SIK3: variants seen among roughly 807,000 people sequenced by gnomAD.
SIK3 encodes SIK family kinase 3.
SIK3 carries 28 observed loss-of-function variants against 144.2 expected under a neutral mutation model. The observed-to-expected ratio is 0.19, with a 90% CI of 0.14 to 0.27. SIK3 has a LOEUF of 0.27. SIK3 is among the 10% of genes least tolerant of loss of function. SIK3 has a pLI of 1.00. For missense variants in SIK3, 1,319 were observed against 1,776.0 expected (o/e 0.74, Z 4.62); for synonymous variants, 686 against 676.3 (o/e 1.01, Z -0.22).
chr11:116,944,868 T>A (rs76564967), intron 3 of SIK3, among the ~76,000 whole-genome samples: 7,306 of 152,310 alleles, frequency 0.048, 581 homozygotes, highest in African/African-American at 0.17. Flanking sequence ...CTCTCACAGC[T>A]GGCCTAAAAC....
At position 117,090,669 on chromosome 11, in the gene SIK3, G is replaced by A. The variant is rs562475523; in HGVS notation, c.273+7474C>T. 2.0e-4 allele frequency among the ~76,000 whole-genome samples: 30 copies of A among 152,164 alleles called. 1 individual carries two copies. Among genetic ancestry groups the A allele is most frequent in the African/African-American group, 3.9e-4 (16 of 41,436 alleles). On this transcript the variant is annotated intron_variant, in intron 1 of 24. Transcript: ENST00000445177. The stretch of plus-strand genomic sequence containing the variant: ...ACTACGTAAGGCAGACTACTTTTAC[G>A]GTCATTGCATGCTGTGTTTACTTCT...
At chr11:117,057,195 CAGA>C (rs1953573575) in intron 1 of SIK3, among the ~76,000 whole-genome samples, 2 of 152,046 alleles carry the variant, frequency 1.3e-5, no homozygotes, top group Admixed American at 6.6e-5. Context: ...TGTACATGTA[CAGA>C]AGAAGATTTA....
intron 1 of SIK3, among the ~76,000 whole-genome samples, chr11:117,010,000 G>A (rs898364568): frequency 6.6e-6 from 1 of 152,082 alleles, no homozygotes; most frequent in Non-Finnish European, 1.5e-5. Context: ...TAACACTAAC[G>A]ACAACATCTA....
intron 1 of SIK3, among the ~76,000 whole-genome samples, chr11:117,056,534 TAG>T (rs1463196077): frequency 7.3e-6 from 1 of 137,118 alleles, no homozygotes; most frequent in Non-Finnish European, 1.6e-5. Flanking sequence ...TAAAAATATA[TAG>T]ATAGATATAG....
chr11:117,005,268 G>A (rs925735730), intron 1 of SIK3, among the ~76,000 whole-genome samples: 5 of 140,612 alleles, frequency 3.6e-5, no homozygotes, highest in African/African-American at 8.3e-5. Flanking sequence ...CCCAGGAGGT[G>A]AAGGCTGCAG....
chr11:117,035,903 G>T, intron 1 of SIK3: 2 of 1,596,318 alleles, frequency 1.3e-6, no homozygotes, highest in Non-Finnish European at 1.7e-6. Context: ...TACCGTTTGT[G>T]CATGGCTAAA....
At chr11:116,998,080 T>C (rs1249813572) in intron 1 of SIK3, among the ~76,000 whole-genome samples, 1 of 151,812 alleles carries the variant, frequency 6.6e-6, no homozygotes. Flanking sequence ...TCTCAAACTG[T>C]TGGGCTCAAG....
intron 1 of SIK3, among the ~76,000 whole-genome samples, chr11:117,017,664 A>G (rs1180909903): frequency 6.6e-6 from 1 of 152,148 alleles, no homozygotes; most frequent in Non-Finnish European, 1.5e-5. Flanking sequence ...GTAGAAAAAA[A>G]ACTGGTTATA....
At chr11:116,982,960 AAAAAAAAAAT>A (rs1485377914) in intron 1 of SIK3, among the ~76,000 whole-genome samples, 3 of 151,032 alleles carry the variant, frequency 2.0e-5, no homozygotes, top group Admixed American at 6.6e-5. Flanking sequence ...AAAAAAAAAA[AAAAAAAAAAT>A]TTCTGACCCG....
rs149070287 is a variant in SIK3, at chr11:116,863,253, T to C, written c.2103+415A>G. ...GTAAAGAAAGTGCATTAGAAAGCTA[T>C]ACTTTCTTTTTCTTTTAAGACAGAG... On this transcript the variant is annotated intron_variant, in intron 16 of 24. Coordinates refer to ENST00000445177, the MANE Select transcript of SIK3 (RefSeq NM_001366686.3). 6.1e-3 allele frequency among the ~76,000 whole-genome samples: 930 copies of C among 152,220 alleles called. 1 individual carries two copies. The highest frequency in any genetic ancestry group is 9.7e-3 in the Non-Finnish European group (657 of 68,008).
At chr11:117,091,200 CTTTTTTTTTTT>C (rs386375011) in intron 1 of SIK3, among the ~76,000 whole-genome samples, 3 of 93,008 alleles carry the variant, frequency 3.2e-5, no homozygotes, top group Non-Finnish European at 2.0e-5. Flanking sequence ...TTTTTTTTTT[CTTTTTTTTTTT>C]TTTTTTTTTT....
In SIK3 at chr11:117,078,567, A is replaced by AT. The variant is rs5795061; in HGVS notation, c.273+19575dup. 2.4e-3 allele frequency among the ~76,000 whole-genome samples: 362 copies of AT among 151,750 alleles called. 1 individual carries two copies. The highest frequency in any genetic ancestry group is 8.4e-3 in the African/African-American group (346 of 41,394). Reference sequence around the variant, plus strand: ...GTAGCTGGGATTACAGGCCCAGCTAATTTTTTTGTATTTTTAGTAGAGATG... The same window carrying AT: ...GTAGCTGGGATTACAGGCCCAGCTAATTTTTTTTGTATTTTTAGTAGAGATG... On this transcript the variant is annotated intron_variant, in intron 1 of 24. Coordinates refer to ENST00000445177, the MANE Select transcript of SIK3 (RefSeq NM_001366686.3).
intron 1 of SIK3, among the ~76,000 whole-genome samples, chr11:116,986,406 AT>A (rs1416559238): frequency 6.6e-6 from 1 of 152,150 alleles, no homozygotes; most frequent in Non-Finnish European, 1.5e-5. Context: ...ATTACCACTA[AT>A]ACTGTTAGTA....
chr11:117,033,441 C>G (rs1234867557), intron 1 of SIK3, among the ~76,000 whole-genome samples: 1 of 152,096 alleles, frequency 6.6e-6, no homozygotes, highest in Non-Finnish European at 1.5e-5. Context: ...GTGGCTCACA[C>G]CTGTAATTCC....
intron 1 of SIK3, among the ~76,000 whole-genome samples, chr11:117,096,408 T>C (rs1024597646): frequency 4.0e-5 from 6 of 151,866 alleles, no homozygotes; most frequent in African/African-American, 7.3e-5. Context: ...AGGAAAGAAA[T>C]AGCAAAACAA....
At chr11:116,928,941 A>G (rs1054323994) in intron 3 of SIK3, among the ~76,000 whole-genome samples, 18 of 152,198 alleles carry the variant, frequency 1.2e-4, no homozygotes, top group Non-Finnish European at 2.1e-4. Context: ...AAAGGAGAAA[A>G]TAAGAAGTCT....
intron 3 of SIK3, among the ~76,000 whole-genome samples, chr11:116,927,963 T>C (rs774413022): frequency 3.3e-5 from 5 of 152,240 alleles, no homozygotes; most frequent in African/African-American, 4.8e-5. Context: ...CATAGCGATA[T>C]ACCTACATCT....
At chr11:116,877,804 G>A (rs1422661033) in intron 6 of SIK3, among the ~76,000 whole-genome samples, 3 of 152,116 alleles carry the variant, frequency 2.0e-5, no homozygotes, top group African/African-American at 7.2e-5. Context: ...TGGCTACTGA[G>A]GGTGATGAGA....
At chr11:117,063,940 A>G (rs1953908419) in intron 1 of SIK3, among the ~76,000 whole-genome samples, 1 of 152,104 alleles carries the variant, frequency 6.6e-6, no homozygotes, top group Admixed American at 6.6e-5. Flanking sequence ...AATAAGTACA[A>G]ATTGCACGCT....
Sources: gnomAD v4.1 joint callset for allele counts (sites outside exome capture counted in the v4.1 genomes callset) on GRCh38, gnomAD v4.1.1 for gene constraint, MANE v1.5 for transcripts, NCBI Gene and HGNC (gene_info 2026-07-23, HGNC 2026-07-21) for gene names.